The following GABRA2 variants were observed in gnomAD, a reference collection of about 807,000 sequenced individuals.
GABRA2 encodes gamma-aminobutyric acid receptor subunit alpha-2.
A neutral mutation model predicts 48.7 loss-of-function variants in GABRA2; 16 were observed. That is an observed-to-expected ratio of 0.33 (90% CI 0.22 to 0.50). The LOEUF (loss-of-function observed/expected upper bound fraction) is 0.50. GABRA2 is among the 20% of genes least tolerant of loss of function. The pLI is 0.98. For synonymous variants in GABRA2, 185 were observed against 184.5 expected (o/e 1.00, Z -0.02); for missense variants, 275 against 535.6 (o/e 0.51, Z 4.80).
At chr4:46,386,217 T>C (rs199945814) in intron 2 of GABRA2, 28 bp from the exon 3 acceptor site, 19 of 1,353,104 alleles carry the variant, frequency 1.4e-5, no homozygotes, top group Admixed American at 3.7e-5. Context: ...AAAGCTGATA[T>C]ATATACATAT....
At chr4:46,334,588 T>C (rs1300934925) in intron 3 of GABRA2, among the ~76,000 whole-genome samples, 3 of 152,146 alleles carry the variant, frequency 2.0e-5, no homozygotes, top group African/African-American at 7.2e-5. Flanking sequence ...AATGTATTGA[T>C]GCTAAGGATA....
At chr4:46,356,927 T>C (rs889141474) in intron 3 of GABRA2, among the ~76,000 whole-genome samples, 2 of 151,970 alleles carry the variant, frequency 1.3e-5, no homozygotes, top group African/African-American at 4.8e-5. Flanking sequence ...TTTGCCACTT[T>C]CTCTGATTTA....
chr4:46,312,191 G>C (rs181609219), intron 5 of GABRA2, among the ~76,000 whole-genome samples: 6 of 151,846 alleles, frequency 4.0e-5, no homozygotes, highest in Admixed American at 2.6e-4. Context: ...GTTGATACAA[G>C]TAAAATTCAA....
intron 3 of GABRA2, chr4:46,366,953 G>C (rs924983066): frequency 3.9e-5 from 6 of 152,064 alleles, no homozygotes; most frequent in African/African-American, 1.2e-4. Context: ...TGTGGGGTTA[G>C]AAGGCAGTGT....
chr4:46,293,873 C>T (rs934299926), intron 8 of GABRA2, among the ~76,000 whole-genome samples: 5 of 152,214 alleles, frequency 3.3e-5, no homozygotes, highest in Non-Finnish European at 7.3e-5. Context: ...GTGCAGAAGA[C>T]AGATGGATCT....
chr4:46,389,298 C>T, intron 1 of GABRA2: 1 of 985,438 alleles, frequency 1.0e-6, no homozygotes, highest in Non-Finnish European at 1.2e-6. Flanking sequence ...AAATAATTTC[C>T]CTTCCTGCCC....
At chr4:46,319,677 T>C (rs1453985342) in intron 4 of GABRA2, among the ~76,000 whole-genome samples, 1 of 151,778 alleles carries the variant, frequency 6.6e-6, no homozygotes, top group African/African-American at 2.4e-5. Flanking sequence ...CAGAACAACA[T>C]AGCTACTGCA....
chr4:46,383,417 G>A (rs951942612), intron 3 of GABRA2, among the ~76,000 whole-genome samples: 2 of 152,116 alleles, frequency 1.3e-5, no homozygotes, highest in African/African-American at 2.4e-5. Context: ...CCAGATATGG[G>A]TAGTCCCATT....
intron 3 of GABRA2, among the ~76,000 whole-genome samples, chr4:46,359,733 C>A (rs1052349059): frequency 6.6e-6 from 1 of 151,938 alleles, no homozygotes; most frequent in Non-Finnish European, 1.5e-5. Flanking sequence ...CTGGCTAACA[C>A]GGTGAAACCC....
At chr4:46,385,078 CATATATATATATATATAT>C (rs36113226) in intron 3 of GABRA2, among the ~76,000 whole-genome samples, 3 of 143,554 alleles carry the variant, frequency 2.1e-5, no homozygotes, top group East Asian at 4.1e-4. Flanking sequence ...AATTGCCTAA[CATATATATATATATATAT>C]ATATATATAT....
intron 4 of GABRA2, among the ~76,000 whole-genome samples, chr4:46,320,882 T>C (rs1729335512): frequency 6.6e-6 from 1 of 151,886 alleles, no homozygotes; most frequent in Non-Finnish European, 1.5e-5. Flanking sequence ...GTTAGGTATA[T>C]ACCCAAGAGA....
In GABRA2 at chr4:46,330,591, T is replaced by TAGAGAG. The variant is rs1553916278; in HGVS notation, c.255+2018_255+2023dup. Among the ~76,000 whole-genome samples the TAGAGAG allele has an allele frequency of 6.9e-3, 841 of 122,620 alleles. 7 individuals are homozygous for TAGAGAG. The highest frequency in any genetic ancestry group is 0.017 in the African/African-American group (617 of 35,620). 80.4% of individuals were successfully genotyped at this position (122,620 alleles called of 152,430 possible). The stretch of plus-strand genomic sequence containing the variant: ...ATATATATATATATATATATATATA[T>TAGAGAG]AGAGAGAGAGAGAGAGAGATGTTTT... On this transcript the variant is annotated intron_variant, in intron 4 of 9. Coordinates refer to ENST00000381620, the MANE Select transcript of GABRA2 (RefSeq NM_000807.4).
At chr4:46,270,739 A>G (rs1719160666) in intron 8 of GABRA2, among the ~76,000 whole-genome samples, 1 of 152,024 alleles carries the variant, frequency 6.6e-6, no homozygotes, top group Admixed American at 6.6e-5. Flanking sequence ...TTTTATATCA[A>G]GGTATAGGCC....
Position 46,279,099 on chromosome 4 carries a change from C to T in GABRA2, c.857-16971G>A, listed in dbSNP as rs1010421454. Among the ~76,000 whole-genome samples, 89 of 152,050 alleles carry T rather than the reference C, an allele frequency of 5.9e-4. 1 individual carries two copies. Among genetic ancestry groups the T allele is most frequent in the African/African-American group, 2.0e-3 (81 of 41,530 alleles). On this transcript the variant is annotated intron_variant, in intron 8 of 9. Transcript: ENST00000381620. The stretch of plus-strand genomic sequence containing the variant: ...GTGTCAGAGTGACAGCAGCTTTGTG[C>T]GCCGTGTTTCCCATAAACTTCATAG...
chr4:46,283,453 T>C (rs903718127), intron 8 of GABRA2, among the ~76,000 whole-genome samples: 8 of 152,170 alleles, frequency 5.3e-5, no homozygotes, highest in Non-Finnish European at 1.0e-4. Flanking sequence ...GACCAACTAC[T>C]TGTGGACTTA....
chr4:46,271,426 C>T (rs1268504309), intron 8 of GABRA2, among the ~76,000 whole-genome samples: 3 of 151,976 alleles, frequency 2.0e-5, no homozygotes, highest in South Asian at 2.1e-4. Context: ...GTGCAAGAAC[C>T]TTTGACATTT....
chr4:46,333,562 G>C (rs1731727807), intron 3 of GABRA2, among the ~76,000 whole-genome samples: 1 of 151,954 alleles, frequency 6.6e-6, no homozygotes, highest in Non-Finnish European at 1.5e-5. Context: ...ATTGTTTTTT[G>C]TATTATACTA....
At chr4:46,300,594 A>G (rs1725567313) in intron 8 of GABRA2, among the ~76,000 whole-genome samples, 1 of 151,980 alleles carries the variant, frequency 6.6e-6, no homozygotes, top group Admixed American at 6.6e-5. Flanking sequence ...TCTATTGTCT[A>G]CTGAACATCA....
At chr4:46,315,940 T>TACACACACACACAC (rs146274569) in intron 4 of GABRA2, among the ~76,000 whole-genome samples, 1 of 149,550 alleles carries the variant, frequency 6.7e-6, no homozygotes, top group Non-Finnish European at 1.5e-5. Context: ...TTAGTACATA[T>TACACACACACACAC]ATACACACAC....
Sources: allele counts gnomAD v4.1 joint callset (sites outside exome capture counted in the v4.1 genomes callset), GRCh38; gene constraint gnomAD v4.1.1; transcripts MANE v1.5; gene names NCBI Gene and HGNC (gene_info 2026-07-23, HGNC 2026-07-21).